PTPN3: variants seen among roughly 807,000 people sequenced by gnomAD.
The protein encoded by PTPN3 is protein tyrosine phosphatase non-receptor type 3.
A neutral mutation model predicts 132.7 loss-of-function variants in PTPN3; 96 were observed. The ratio of observed to expected loss-of-function variants is 0.72; its 90% CI spans 0.61 to 0.86. The LOEUF (loss-of-function observed/expected upper bound fraction) is 0.86, where lower values mean the gene tolerates loss of function less well. Among genes scored for constraint, PTPN3 ranks in the 40% least tolerant of loss-of-function variants. The pLI is 0.00. For missense variants in PTPN3, 1,125 were observed against 1,159.6 expected (o/e 0.97, Z 0.43); for synonymous variants, 398 against 429.0 (o/e 0.93, Z 0.89).
At chr9:109,411,666 T>G (rs1437287529) in intron 14 of PTPN3, among the ~76,000 whole-genome samples, 1 of 152,250 alleles carries the variant, frequency 6.6e-6, no homozygotes, top group Non-Finnish European at 1.5e-5. Context: ...CTACTGCCTC[T>G]TTCTTGACCT....
At chr9:109,506,728 A>T in the PTPN3 span, among the ~76,000 whole-genome samples, 1 of 151,640 alleles carries the variant, frequency 6.6e-6, no homozygotes, top group Non-Finnish European at 1.5e-5. Flanking sequence ...CCAGCCTTCC[A>T]AGTAGCTGGG....
At chr9:109,515,754 C>T in the PTPN3 span, among the ~76,000 whole-genome samples, 1 of 152,072 alleles carries the variant, frequency 6.6e-6, no homozygotes, top group Non-Finnish European at 1.5e-5. Flanking sequence ...AGAGGGGTAC[C>T]ATGCCCTTTT....
At chr9:109,380,504 C>T (rs865971121) in intron 25 of PTPN3, among the ~76,000 whole-genome samples, 68 of 152,344 alleles carry the variant, frequency 4.5e-4, no homozygotes, top group Middle Eastern at 3.4e-3. Flanking sequence ...GATCCACCTT[C>T]CTTAGCCTGC....
At chr9:109,433,790 C>T (rs1843829160) in intron 9 of PTPN3, among the ~76,000 whole-genome samples, 2 of 151,980 alleles carry the variant, frequency 1.3e-5, no homozygotes, top group African/African-American at 4.8e-5. Context: ...CGCCTGTAGT[C>T]CCAGCCACTC....
the PTPN3 span, chr9:109,533,639 C>T: frequency 2.7e-6 from 4 of 1,501,232 alleles, no homozygotes; most frequent in Non-Finnish European, 3.7e-6. Context: ...CCACACTGAT[C>T]TACCTTGTTT....
intron 14 of PTPN3, among the ~76,000 whole-genome samples, chr9:109,415,064 G>GTCCATCCA (rs769423845): frequency 4.0e-5 from 5 of 126,304 alleles, no homozygotes; most frequent in Admixed American, 9.0e-5. Flanking sequence ...CCGTCCATCC[G>GTCCATCCA]TCCGTCCATC....
intron 1 of PTPN3, among the ~76,000 whole-genome samples, chr9:109,470,550 G>T (rs1846327655): frequency 6.6e-6 from 1 of 150,726 alleles, no homozygotes; most frequent in East Asian, 1.9e-4. Flanking sequence ...AAAAAAATTA[G>T]CTGCATGTGG....
the PTPN3 span, among the ~76,000 whole-genome samples, chr9:109,527,604 T>C: frequency 3.9e-5 from 6 of 152,342 alleles, no homozygotes; most frequent in African/African-American, 9.6e-5. Context: ...TTTTTCAGAA[T>C]AGCTAGAAGA....
intron 12 of PTPN3, 23 bp downstream of exon 12, chr9:109,426,925 GAC>G (rs1451811755): frequency 4.4e-6 from 7 of 1,585,124 alleles, no homozygotes; most frequent in Non-Finnish European, 6.1e-6. Flanking sequence ...GCCTAGTGTG[GAC>G]ACAGTCTTTA....
At chr9:109,490,140 G>A (rs1303040550) in intron 1 of PTPN3, among the ~76,000 whole-genome samples, 4 of 151,890 alleles carry the variant, frequency 2.6e-5, no homozygotes, top group African/African-American at 7.3e-5. Context: ...CCGAGATCGC[G>A]CCACTGCACT....
rs115792119 is a variant in PTPN3, at chr9:109,415,638, C to A, written c.1313+4786G>T. Among the ~76,000 whole-genome samples the A allele has an allele frequency of 4.1e-3, 621 of 152,132 alleles. 7 individuals are homozygous for A. The highest frequency in any genetic ancestry group is 0.014 in the African/African-American group (596 of 41,508). On this transcript the variant is annotated intron_variant, in intron 14 of 25. Transcript: ENST00000374541. ...TGACTGAGCTAGACTGTGCAAGAGA[C>A]GATGGTGGCTGCATGGGGGCAGTGC...
At chr9:109,457,062 C>T in intron 4 of PTPN3, 111 bp downstream of exon 4, 1 of 1,137,860 alleles carries the variant, frequency 8.8e-7, no homozygotes, top group Non-Finnish European at 1.3e-6. Context: ...GACTCCTGGA[C>T]ACCCGGAACT....
Position 109,377,890 on chromosome 9 carries a change from C to T in PTPN3, c.*1666G>A, listed in dbSNP as rs1248673961. ...TGGGCGTAGGAACTGAATCCCCTGC[C>T]CCTTAGCTGCAAACTTTCTGGTGGT... is the stretch of plus-strand genomic sequence containing the variant. On this transcript the variant is annotated 3_prime_UTR_variant, in exon 26 of 26. Transcript: ENST00000374541. 6.6e-6 allele frequency: 1 copy of T among 152,192 alleles called. No individual in the cohort carries two copies. Among genetic ancestry groups the T allele is most frequent in the Non-Finnish European group, 1.5e-5 (1 of 68,038 alleles). 9.4% of individuals were successfully genotyped at this position (152,192 alleles called of 1,614,324 possible). A position where few individuals can be genotyped will look rare whatever the true frequency, so the allele number is the denominator to read the frequency against.
In PTPN3 at chr9:109,381,782, C is replaced by T. The variant is rs1839115243; in HGVS notation, c.2534G>A (p.Gly845Glu). The stretch of plus-strand genomic sequence containing the variant: ...GACCAACACACCGGTTCGACCTATT[C>T]CAGCACTGGAGAGGGGAGAGAAGAC... ...SEPVLVHCSA[G>E]IGRTGVLVTM... is the part of the protein sequence containing the mutation. The change falls in exon 25 of 26, where the codon GGA becomes GAA. Residue 845 changes from glycine (G) to glutamate (E), a missense_variant. Transcript: ENST00000374541. The T allele has an allele frequency of 6.2e-7, 1 of 1,614,244 alleles. No homozygotes were observed. The highest frequency in any genetic ancestry group is 8.5e-7 in the Non-Finnish European group (1 of 1,180,046).
At chr9:109,496,621 G>A (rs1251035179) in intron 1 of PTPN3, among the ~76,000 whole-genome samples, 1 of 152,202 alleles carries the variant, frequency 6.6e-6, no homozygotes, top group East Asian at 1.9e-4. Context: ...GCTATGCAAA[G>A]GTTAGTTATT....
chr9:109,471,745 T>C (rs2132074283), intron 1 of PTPN3, among the ~76,000 whole-genome samples: 1 of 151,856 alleles, frequency 6.6e-6, no homozygotes, highest in East Asian at 1.9e-4. Flanking sequence ...GCTCAAGCAA[T>C]CCTCCTGCCT....
At chr9:109,409,869 C>G (rs997815522) in intron 16 of PTPN3, 130 bp downstream of exon 16, 5 of 1,403,932 alleles carry the variant, frequency 3.6e-6, no homozygotes, top group African/African-American at 1.5e-5. Context: ...AAACCCCCAA[C>G]TCTCAATTCT....
intron 14 of PTPN3, 99 bp downstream of exon 14, chr9:109,420,325 C>T (rs1842803905): frequency 7.8e-7 from 1 of 1,285,144 alleles, no homozygotes; most frequent in African/African-American, 1.5e-5. Flanking sequence ...GCTGCAGGCA[C>T]CAGCTCTTGG....
intron 14 of PTPN3, among the ~76,000 whole-genome samples, chr9:109,412,557 T>C (rs575932234): frequency 2.0e-5 from 3 of 152,176 alleles, no homozygotes; most frequent in Non-Finnish European, 4.4e-5. Flanking sequence ...ATATTTTTAG[T>C]AGAGACAGGG....
Sources: allele counts gnomAD v4.1 joint callset (sites outside exome capture counted in the v4.1 genomes callset), GRCh38; gene constraint gnomAD v4.1.1; transcripts MANE v1.5; gene names NCBI Gene and HGNC (gene_info 2026-07-23, HGNC 2026-07-21).